The following ZMAT3 variants were observed in gnomAD, a reference collection of about 807,000 sequenced individuals.
ZMAT3 encodes zinc finger matrin-type 3.
A neutral mutation model predicts 32.3 loss-of-function variants in ZMAT3; 17 were observed. The ratio of observed to expected loss-of-function variants is 0.53; its 90% CI spans 0.36 to 0.79. ZMAT3 has a LOEUF of 0.79. ZMAT3 is among the 30% of genes least tolerant of loss of function. The pLI is 0.00. For missense variants in ZMAT3, 329 were observed against 359.7 expected (o/e 0.91, Z 0.69); for synonymous variants, 120 against 133.1 (o/e 0.90, Z 0.68).
chr3:179,048,775 C>CA (rs199703376), intron 2 of ZMAT3, among the ~76,000 whole-genome samples: 2,504 of 102,804 alleles, frequency 0.024, 29 homozygotes, highest in Admixed American at 0.058. Context: ...GGTATTCAGG[C>CA]AAAAAAAAAA....
In ZMAT3 at chr3:179,069,835, G is replaced by T. The variant is rs181247977; in HGVS notation, c.-58+1760C>A. On this transcript the variant is annotated intron_variant, in intron 1 of 5. Transcript: ENST00000311417. ...AATATTATTTAATTTTTAAGCAGAA[G>T]TGTACTGCCCATATCTCTGGGAACA... Among the ~76,000 whole-genome samples, 4 of 152,248 alleles carry T rather than the reference G, an allele frequency of 2.6e-5. No homozygotes were observed. In the East Asian group the frequency reaches 5.8e-4, roughly 22 times the overall value.
chr3:179,027,407 G>A lies in ZMAT3; in HGVS notation c.658+16C>T. 6.2e-7 allele frequency: 1 copy of A among 1,609,050 alleles called. No individual in the cohort carries two copies. Among genetic ancestry groups the A allele is most frequent in the Non-Finnish European group, 8.5e-7 (1 of 1,175,588 alleles). ...GTACAGAATGTACCCAAGGTATGTG[G>A]AAACAGACAAGATACCTGAATTATT... On this transcript the variant is annotated intron_variant, in intron 5 of 5. Coordinates refer to ENST00000311417, the MANE Select transcript of ZMAT3 (RefSeq NM_022470.4).
chr3:179,032,079 T>C (rs1719272195), intron 2 of ZMAT3, among the ~76,000 whole-genome samples: 1 of 129,434 alleles, frequency 7.7e-6, no homozygotes, highest in Non-Finnish European at 1.7e-5. Context: ...CTTGCCGCCA[T>C]CTCGGCTCAC....
intron 2 of ZMAT3, among the ~76,000 whole-genome samples, chr3:179,045,185 G>C (rs1720163603): frequency 1.3e-5 from 2 of 152,090 alleles, no homozygotes; most frequent in Admixed American, 6.5e-5. Context: ...GAATGCCCAT[G>C]AAATAAGATA....
intron 2 of ZMAT3, among the ~76,000 whole-genome samples, chr3:179,059,107 G>A (rs564361208): frequency 6.7e-4 from 102 of 152,132 alleles, no homozygotes; most frequent in African/African-American, 2.0e-3. Context: ...TGCTGGGGTC[G>A]TCAGAAAGGA....
In ZMAT3 at chr3:179,021,316, CTG is replaced by C. The variant is rs1431509298; in HGVS notation, c.*3699_*3700del. ...TTACAGGGCACACTCAGTTTAGTAA[CTG>C]AACTTTTTTTACAAAACCACTTCAA... is the stretch of plus-strand genomic sequence containing the variant. On this transcript the variant is annotated 3_prime_UTR_variant, in exon 6 of 6. Coordinates refer to ENST00000311417, the MANE Select transcript of ZMAT3 (RefSeq NM_022470.4). 2.6e-5 allele frequency: 4 copies of C among 152,184 alleles called. No homozygotes were observed. Among genetic ancestry groups the C allele is most frequent in the Admixed American group, 2.6e-4 (4 of 15,276 alleles). The allele number at this position is 152,184 out of a possible 1,614,324, so 9.4% of individuals were successfully genotyped here. A position where few individuals can be genotyped will look rare whatever the true frequency, so the allele number is the denominator to read the frequency against.
chr3:179,065,203 C>T (rs988799137), intron 2 of ZMAT3, among the ~76,000 whole-genome samples: 1 of 152,144 alleles, frequency 6.6e-6, no homozygotes, highest in African/African-American at 2.4e-5. Context: ...TGGTTTTTAG[C>T]TGCTTAAATT....
At chr3:179,030,354 C>A (rs951178746) in intron 3 of ZMAT3, among the ~76,000 whole-genome samples, 4 of 132,068 alleles carry the variant, frequency 3.0e-5, no homozygotes, top group African/African-American at 8.3e-5. Context: ...CCCAGAATTT[C>A]TTTTTTTTTT....
intron 2 of ZMAT3, among the ~76,000 whole-genome samples, chr3:179,039,027 GA>G (rs1560089048): frequency 3.3e-5 from 5 of 152,244 alleles, no homozygotes; most frequent in Non-Finnish European, 7.3e-5. Flanking sequence ...AGCCATTGCT[GA>G]GGCTTGAGTA....
At chr3:179,057,908 A>C (rs1576871872) in intron 2 of ZMAT3, among the ~76,000 whole-genome samples, 1 of 152,256 alleles carries the variant, frequency 6.6e-6, no homozygotes, top group Non-Finnish European at 1.5e-5. Context: ...CCTGAAGCGG[A>C]AGTAGCTTTC....
rs777204114 is a variant in ZMAT3 at position 179,020,922 on chromosome 3, T to C, written c.*4095A>G. The C allele has an allele frequency of 6.6e-6, 1 of 152,202 alleles. No individual in the cohort carries two copies. The highest frequency in any genetic ancestry group is 1.5e-5 in the Non-Finnish European group (1 of 68,032). 9.4% of individuals were successfully genotyped at this position (152,202 alleles called of 1,614,324 possible). On this transcript the variant is annotated 3_prime_UTR_variant, in exon 6 of 6. Transcript: ENST00000311417. ...GTAGATAGGTAGCTATAAGCAAGCA[T>C]ATAGTTCTGTAGAAAAGCTTTCTAA...
intron 2 of ZMAT3, among the ~76,000 whole-genome samples, chr3:179,051,159 A>G (rs1414922144): frequency 1.3e-5 from 2 of 152,230 alleles, no homozygotes; most frequent in African/African-American, 4.8e-5. Context: ...AGAGAAAGAA[A>G]TAAAGGGCAT....
At chr3:179,045,584 A>T (rs1720188954) in intron 2 of ZMAT3, among the ~76,000 whole-genome samples, 1 of 152,224 alleles carries the variant, frequency 6.6e-6, no homozygotes, top group Non-Finnish European at 1.5e-5. Context: ...ATAAAAAACA[A>T]CACTATATAC....
rs912086601 is a variant in ZMAT3 at position 179,018,383 on chromosome 3, C to T, written c.*6634G>A. ...AGTGCAGCAAGATTTTTAGCAACTGCGTCGGGCTTAATTTGGAACTATGGC... is the reference window on the plus strand; with the variant it reads ...AGTGCAGCAAGATTTTTAGCAACTGTGTCGGGCTTAATTTGGAACTATGGC... On this transcript the variant is annotated 3_prime_UTR_variant, in exon 6 of 6. Coordinates refer to ENST00000311417, the MANE Select transcript of ZMAT3 (RefSeq NM_022470.4). 32 of 152,020 alleles carry T rather than the reference C, an allele frequency of 2.1e-4. No individual in the cohort carries two copies. Among genetic ancestry groups the T allele is most frequent in the African/African-American group, 7.5e-4 (31 of 41,460 alleles). The allele number at this position is 152,020 out of a possible 1,614,324, so 9.4% of individuals were successfully genotyped here.
At chr3:179,068,151 A>G (rs898120943) in intron 1 of ZMAT3, among the ~76,000 whole-genome samples, 3 of 152,128 alleles carry the variant, frequency 2.0e-5, no homozygotes, top group Non-Finnish European at 4.4e-5. Flanking sequence ...CCTAGTCCAG[A>G]CCCCTTCCCT....
At position 179,023,087 on chromosome 3, in the gene ZMAT3, T is replaced by G. The variant is rs983218756; in HGVS notation, c.*1930A>C. On this transcript the variant is annotated 3_prime_UTR_variant, in exon 6 of 6. Coordinates refer to ENST00000311417, the MANE Select transcript of ZMAT3 (RefSeq NM_022470.4). ...CCACTGGTCTTACCCATATAAAATA[T>G]AGTAAATAGATAAAATGTAGTTAAT... 4 of 151,930 alleles carry G rather than the reference T, an allele frequency of 2.6e-5. No individual in the cohort carries two copies. Among genetic ancestry groups the G allele is most frequent in the Non-Finnish European group, 5.9e-5 (4 of 67,998 alleles). 9.4% of individuals were successfully genotyped at this position (151,930 alleles called of 1,614,324 possible). A position where few individuals can be genotyped will look rare whatever the true frequency, so the allele number is the denominator to read the frequency against.
chr3:179,031,605 T>C (rs1016618591), intron 2 of ZMAT3, among the ~76,000 whole-genome samples: 3 of 152,068 alleles, frequency 2.0e-5, no homozygotes, highest in African/African-American at 7.2e-5. Context: ...TTCCTGTATG[T>C]TTCTTAAAAA....
Position 179,025,123 on chromosome 3 carries a change from G to C in ZMAT3, c.764C>G (p.Ala255Gly), listed in dbSNP as rs772104939. Residue 255 changes from alanine (A) to glycine (G), a missense_variant, in exon 6 of 6, where the codon GCT becomes GGT. Physicochemically the swap from Ala to Gly is moderately conservative, Grantham distance 60. Coordinates refer to ENST00000311417, the MANE Select transcript of ZMAT3 (RefSeq NM_022470.4). ...CTGCCGGAATTCCATCTCTTCGCCA[G>C]CTCCAACATTACACATTGAGCAGTA... ...QFYCSMCNVGAGEEMEFRQHL... is the reference protein window; with the variant it reads ...QFYCSMCNVGGGEEMEFRQHL... 1 of 1,614,192 alleles carries C rather than the reference G, an allele frequency of 6.2e-7. No homozygotes were observed. Among genetic ancestry groups the C allele is most frequent in the Non-Finnish European group, 8.5e-7 (1 of 1,180,046 alleles).
chr3:179,056,211 CAA>C (rs1720834160), intron 2 of ZMAT3, among the ~76,000 whole-genome samples: 1 of 152,020 alleles, frequency 6.6e-6, no homozygotes. Context: ...GAAAAAACTT[CAA>C]AAGTCTGCCT....
Sources: gnomAD v4.1 joint callset for allele counts (sites outside exome capture counted in the v4.1 genomes callset) on GRCh38, gnomAD v4.1.1 for gene constraint, MANE v1.5 for transcripts, NCBI Gene and HGNC (gene_info 2026-07-23, HGNC 2026-07-21) for gene names.